Variants in PARVB observed in about 807,000 individuals in gnomAD.
PARVB encodes parvin beta.
In PARVB, 46 loss-of-function variants were observed where a neutral mutation model predicts 47.0. That is an observed-to-expected ratio of 0.98 (90% CI 0.77 to 1.25). The LOEUF (loss-of-function observed/expected upper bound fraction) is 1.25. Ranked by LOEUF, PARVB falls within the 50% of genes most tolerant of loss-of-function variation. The pLI is 0.00. For synonymous variants in PARVB, 196 were observed against 196.3 expected (o/e 1.00, Z 0.01); for missense variants, 473 against 471.6 (o/e 1.00, Z -0.03).
chr22:44,114,460 ATACAT>A (rs1246060123), intron 3 of PARVB: 1 of 92,972 alleles, frequency 1.1e-5, no homozygotes, highest in South Asian at 4.0e-4. Flanking sequence ...ACCAACACAG[ATACAT>A]TGTTACTAAC....
chr22:44,153,547 T>A (rs1404022782), intron 10 of PARVB: 2 of 152,158 alleles, frequency 1.3e-5, no homozygotes, highest in Non-Finnish European at 2.9e-5. Context: ...GTCAGGCTGG[T>A]CTCGAACTCC....
At chr22:44,078,864 A>C (rs1910466158) in intron 1 of PARVB, among the ~76,000 whole-genome samples, 1 of 152,212 alleles carries the variant, frequency 6.6e-6, no homozygotes, top group Admixed American at 6.5e-5. Context: ...AACTAGGATT[A>C]CAGGCGCAGA....
At chr22:44,092,778 G>A (rs2052202715) in intron 1 of PARVB, among the ~76,000 whole-genome samples, 1 of 152,254 alleles carries the variant, frequency 6.6e-6, no homozygotes, top group African/African-American at 2.4e-5. Context: ...CATGAGTGGG[G>A]CCCTGTTGGC....
chr22:43,999,845 A>AAAC (rs530924762), intron 2 of PARVB, among the ~76,000 whole-genome samples: 24,502 of 138,274 alleles, frequency 0.18, 2,433 homozygotes, highest in Admixed American at 0.27. Context: ...AAAAAAAAAA[A>AAAC]AAAAAAAAAA....
At chr22:44,148,277 G>C in intron 9 of PARVB, 1 of 355,376 alleles carries the variant, frequency 2.8e-6, no homozygotes, top group Non-Finnish European at 5.5e-6. Flanking sequence ...AGCCTGCCCA[G>C]TAAACACGCA....
At chr22:44,083,249 G>A (rs1192430331) in intron 1 of PARVB, among the ~76,000 whole-genome samples, 7 of 152,198 alleles carry the variant, frequency 4.6e-5, no homozygotes. Flanking sequence ...TTCTCTTGTA[G>A]AAATTATCTA....
chr22:44,133,908 C>T (rs1308332486), intron 6 of PARVB, among the ~76,000 whole-genome samples: 1 of 152,180 alleles, frequency 6.6e-6, no homozygotes, highest in Non-Finnish European at 1.5e-5. Flanking sequence ...AGTAAATGTG[C>T]AATGAGCGCC....
chr22:44,026,296 C>T, intron 1 of PARVB: 1 of 984,850 alleles, frequency 1.0e-6, no homozygotes, highest in East Asian at 1.1e-4. Context: ...TAGCAGGAAG[C>T]ATCCTGTGCT....
intron 2 of PARVB, among the ~76,000 whole-genome samples, chr22:43,999,840 A>AC (rs1353883352): frequency 6.3e-4 from 85 of 135,634 alleles, no homozygotes; most frequent in Non-Finnish European, 9.1e-4. Flanking sequence ...ATATGAAAAA[A>AC]AAAAAAAAAA....
chr22:44,066,916 C>T (rs891971213), intron 1 of PARVB, among the ~76,000 whole-genome samples: 3 of 150,758 alleles, frequency 2.0e-5, no homozygotes, highest in Non-Finnish European at 4.4e-5. Context: ...CTCTGTTGCC[C>T]AGGCTAGAGT....
intron 3 of PARVB, chr22:44,102,945 T>G (rs2052483986): frequency 6.6e-6 from 1 of 152,536 alleles, no homozygotes. Flanking sequence ...TGGTGCTGTG[T>G]TCACTGAGCC....
intron 4 of PARVB, among the ~76,000 whole-genome samples, chr22:44,124,312 G>A (rs2053139195): frequency 6.6e-6 from 1 of 152,228 alleles, no homozygotes; most frequent in African/African-American, 2.4e-5. Context: ...CAAGAACCCA[G>A]TGTCCCCTTG....
At chr22:44,168,392 T>A in intron 12 of PARVB, 1 of 539,972 alleles carries the variant, frequency 1.9e-6, no homozygotes, top group Non-Finnish European at 3.4e-6. Context: ...CCGCAGGGTG[T>A]CAGCCCGCGC....
At chr22:44,116,401 T>C (rs1378453577) in intron 3 of PARVB, among the ~76,000 whole-genome samples, 1 of 152,248 alleles carries the variant, frequency 6.6e-6, no homozygotes, top group Non-Finnish European at 1.5e-5. Context: ...TTTATTTTCC[T>C]TTCTATCAAC....
chr22:44,122,528 C>CAGAGAGAGAGAG (rs1286346736), intron 4 of PARVB, among the ~76,000 whole-genome samples: 1 of 56,116 alleles, frequency 1.8e-5, no homozygotes, highest in Non-Finnish European at 3.8e-5. Flanking sequence ...GACAGAGAGA[C>CAGAGAGAGAGAG]AGAGAGAGAG....
intron 2 of PARVB, chr22:44,009,560 T>G (rs2050500488): frequency 6.6e-6 from 1 of 151,682 alleles, no homozygotes; most frequent in Non-Finnish European, 1.5e-5. Context: ...GGTTTATATA[T>G]ATATGTAAAA....
rs144393801 is a variant in PARVB at position 44,121,359 on chromosome 22, G to A, written c.376+2219G>A. 3.9e-3 allele frequency among the ~76,000 whole-genome samples: 600 copies of A among 152,110 alleles called. 6 individuals are homozygous for A. Among genetic ancestry groups the A allele is most frequent in the African/African-American group, 0.013 (556 of 41,492 alleles). ...GGGCAGACTCTGGGACTTTGTGAAC[G>A]TCCTGTTCACCCATGATGCGCTCCC... On this transcript the variant is annotated intron_variant, in intron 4 of 12. Transcript: ENST00000338758.
At chr22:44,001,241 C>T (rs59995322) in intron 2 of PARVB, among the ~76,000 whole-genome samples, 2,150 of 152,300 alleles carry the variant, frequency 0.014, 53 homozygotes, top group African/African-American at 0.049. Flanking sequence ...CAGAGCGAGA[C>T]TCCATCTCAG....
chr22:44,056,458 G>A (rs1043403593), intron 1 of PARVB, among the ~76,000 whole-genome samples: 1 of 152,186 alleles, frequency 6.6e-6, no homozygotes, highest in Non-Finnish European at 1.5e-5. Flanking sequence ...CTACCTCTCT[G>A]TGCCACAGAT....
Sources: allele counts gnomAD v4.1 joint callset (sites outside exome capture counted in the v4.1 genomes callset), GRCh38; gene constraint gnomAD v4.1.1; transcripts MANE v1.5; gene names NCBI Gene and HGNC (gene_info 2026-07-23, HGNC 2026-07-21).